The following CNTN4 variants were observed in gnomAD, a reference collection of about 807,000 sequenced individuals.
CNTN4 encodes contactin 4, also known as contactin-4.
CNTN4 carries 77 observed loss-of-function variants against 122.5 expected under a neutral mutation model. The ratio of observed to expected loss-of-function variants is 0.63; its 90% confidence interval spans 0.52 to 0.76. CNTN4 has a LOEUF of 0.76. Among genes scored for constraint, CNTN4 ranks in the 30% least tolerant of loss-of-function variants. The pLI is 0.00. For missense variants in CNTN4, 1,256 were observed against 1,259.1 expected (o/e 1.00, Z 0.04); for synonymous variants, 512 against 447.0 (o/e 1.15, Z -1.83).
At chr3:2,691,219 T>G (rs187535739) in intron 4 of CNTN4, among the ~76,000 whole-genome samples, 1 of 152,204 alleles carries the variant, frequency 6.6e-6, no homozygotes, top group Non-Finnish European at 1.5e-5. Flanking sequence ...CGTCTCAAAA[T>G]TATTAGTTAT....
intron 4 of CNTN4, among the ~76,000 whole-genome samples, chr3:2,724,230 G>A (rs2088055285): frequency 1.3e-5 from 2 of 152,130 alleles, no homozygotes; most frequent in African/African-American, 4.8e-5. Context: ...TCAGTCAGTG[G>A]GTAATGTAGA....
In CNTN4 at chr3:2,571,552, C is replaced by G; in HGVS notation, c.49C>G (p.Leu17Val). The change falls in exon 4 of 25, where the codon CTT (leucine) becomes GTT (valine). Residue 17 changes from leucine to valine, a missense_variant. Leu to Val is a conservative substitution (Grantham distance 32). Transcript: ENST00000418658. Reference protein sequence around the residue: ...LLVLQSFILCLADDSTLHGPI... With the variant: ...LLVLQSFILCVADDSTLHGPI... ...GGTACTGCAATCATTCATTTTGTGC[C>G]TTGCAGGTAGAGTGTCATTTTAAAA... 1.2e-6 allele frequency: 2 copies of G among 1,612,576 alleles called. No individual in the cohort carries two copies. The highest frequency in any genetic ancestry group is 1.3e-5 in the African/African-American group (1 of 74,980).
chr3:2,876,551 C>T (rs2150929827), intron 8 of CNTN4, among the ~76,000 whole-genome samples: 1 of 152,220 alleles, frequency 6.6e-6, no homozygotes, highest in Admixed American at 6.5e-5. Context: ...CAGATGCCAG[C>T]TAAGGCAGGT....
chr3:2,479,161 C>CA (rs1031646373), intron 3 of CNTN4, among the ~76,000 whole-genome samples: 7 of 152,084 alleles, frequency 4.6e-5, no homozygotes, highest in Admixed American at 4.6e-4. Context: ...CTTTAAATAT[C>CA]AAAAAACCTA....
rs917788073 is a variant in CNTN4, at chr3:2,825,912, G to T, written c.454+6331G>T. ...ACAGAACACATCCCCACTAGAGTTGGATCCTATCCACAGGGCATCAGACCC... is the reference window on the plus strand; with the variant it reads ...ACAGAACACATCCCCACTAGAGTTGTATCCTATCCACAGGGCATCAGACCC... On this transcript the variant is annotated intron_variant, in intron 7 of 24. Coordinates refer to ENST00000418658, the MANE Select transcript of CNTN4 (RefSeq NM_175607.3). 2.5e-4 allele frequency among the ~76,000 whole-genome samples: 38 copies of T among 152,092 alleles called. 1 individual carries two copies. Among genetic ancestry groups the T allele is most frequent in the Non-Finnish European group, 1.2e-4 (8 of 68,008 alleles).
rs567395996 is a variant in CNTN4, at chr3:2,170,107, G to C, written c.-145+69468G>C. ...GAGGCCGAGGCGGGAGGATCACAAGGTCAGGAGATCGAGACCATCCTGGCT... is the reference window on the plus strand; with the variant it reads ...GAGGCCGAGGCGGGAGGATCACAAGCTCAGGAGATCGAGACCATCCTGGCT... On this transcript the variant is annotated intron_variant, in intron 2 of 24. Transcript: ENST00000418658. 1.0e-3 allele frequency among the ~76,000 whole-genome samples: 159 copies of C among 151,894 alleles called. No individual in the cohort carries two copies. The East Asian group carries it at 0.016, about 15-fold the overall frequency.
At chr3:2,630,294 C>T (rs2082373344) in intron 4 of CNTN4, among the ~76,000 whole-genome samples, 1 of 152,060 alleles carries the variant, frequency 6.6e-6, no homozygotes, top group African/African-American at 2.4e-5. Context: ...CAAAAATTAG[C>T]CAGGCATGGG....
chr3:2,818,221 A>T (rs2092783652), intron 6 of CNTN4, among the ~76,000 whole-genome samples: 1 of 152,234 alleles, frequency 6.6e-6, no homozygotes, highest in Non-Finnish European at 1.5e-5. Flanking sequence ...GATGAAGACA[A>T]TAATGTACAA....
chr3:2,122,008 T>G (rs1006236944), intron 2 of CNTN4, among the ~76,000 whole-genome samples: 1 of 138,554 alleles, frequency 7.2e-6, no homozygotes, highest in Non-Finnish European at 1.6e-5. Context: ...ACAAAAAAAT[T>G]AGCCGGGCGT....
chr3:2,740,109 C>T (rs1004976058), intron 5 of CNTN4, among the ~76,000 whole-genome samples: 1 of 152,094 alleles, frequency 6.6e-6, no homozygotes, highest in African/African-American at 2.4e-5. Context: ...GTAATCCCAA[C>T]ACTTTGGGAG....
At chr3:2,137,970 C>A (rs1282196773) in intron 2 of CNTN4, among the ~76,000 whole-genome samples, 1 of 152,142 alleles carries the variant, frequency 6.6e-6, no homozygotes, top group Non-Finnish European at 1.5e-5. Flanking sequence ...ATGTATCAGC[C>A]ATTGGTAACC....
At chr3:2,389,675 G>T (rs901277868) in intron 3 of CNTN4, among the ~76,000 whole-genome samples, 2 of 151,920 alleles carry the variant, frequency 1.3e-5, no homozygotes, top group Admixed American at 1.3e-4. Context: ...CTTCATTGAT[G>T]TATCCCCATT....
intron 3 of CNTN4, among the ~76,000 whole-genome samples, chr3:2,466,970 C>CTTTTTTTTTTTTTTTTT (rs60879017): frequency 1.1e-3 from 129 of 115,760 alleles, no homozygotes; most frequent in Non-Finnish European, 1.4e-3. Flanking sequence ...TTCTTTCTTT[C>CTTTTTTTTTTTTTTTTT]TTTTTTTTTT....
At chr3:2,904,090 A>G (rs180880861) in intron 12 of CNTN4, among the ~76,000 whole-genome samples, 23 of 152,310 alleles carry the variant, frequency 1.5e-4, no homozygotes, top group Admixed American at 1.3e-3. Flanking sequence ...GTCTATTATT[A>G]TAAAAGAAGA....
chr3:2,610,806 C>T (rs2081449422), intron 4 of CNTN4, among the ~76,000 whole-genome samples: 1 of 152,076 alleles, frequency 6.6e-6, no homozygotes, highest in African/African-American at 2.4e-5. Context: ...AGTGTATTGT[C>T]TGAGAATACG....
intron 2 of CNTN4, among the ~76,000 whole-genome samples, chr3:2,270,709 TGAAGG>T: frequency 8.1e-6 from 1 of 124,214 alleles, no homozygotes. Context: ...TAAGGAAGAC[TGAAGG>T]CTAGTGTGAC....
chr3:2,923,732 T>C (rs1197209290), intron 12 of CNTN4, among the ~76,000 whole-genome samples: 1 of 152,250 alleles, frequency 6.6e-6, no homozygotes, highest in Non-Finnish European at 1.5e-5. Flanking sequence ...ACATACACTG[T>C]ATTTTTTGTA....
chr3:2,219,093 A>G (rs2038963382), intron 2 of CNTN4, among the ~76,000 whole-genome samples: 1 of 152,206 alleles, frequency 6.6e-6, no homozygotes, highest in Admixed American at 6.5e-5. Context: ...GGCAGATTTT[A>G]TCTTCCATAA....
At chr3:2,377,661 A>G (rs761423722) in intron 3 of CNTN4, among the ~76,000 whole-genome samples, 2 of 152,260 alleles carry the variant, frequency 1.3e-5, no homozygotes, top group African/African-American at 2.4e-5. Context: ...ATATGTTTGC[A>G]TAAAGCAAGC....
Sources: allele counts gnomAD v4.1 joint callset (sites outside exome capture counted in the v4.1 genomes callset), GRCh38; gene constraint gnomAD v4.1.1; transcripts MANE v1.5; gene names NCBI Gene and HGNC (gene_info 2026-07-23, HGNC 2026-07-21).